The following BPIFB3 variants were observed in gnomAD, a reference collection of about 807,000 sequenced individuals.
The protein encoded by BPIFB3 is BPI fold-containing family B member 3.
BPIFB3 carries 49 observed loss-of-function variants against 53.1 expected under a neutral mutation model. The ratio of observed to expected loss-of-function variants is 0.92; its 90% CI spans 0.73 to 1.17. BPIFB3 has a LOEUF of 1.17. BPIFB3 is among the 50% of genes most tolerant of loss of function. The pLI is 0.00. For missense variants in BPIFB3, 628 were observed against 592.5 expected (o/e 1.06, Z -0.62); for synonymous variants, 271 against 269.6 (o/e 1.01, Z -0.05).
At position 33,063,607 on chromosome 20, in the gene BPIFB3, T is replaced by C; in HGVS notation, c.592-8T>C. 6.2e-7 allele frequency: 1 copy of C among 1,613,938 alleles called. No homozygotes were observed. Among genetic ancestry groups the C allele is most frequent in the Non-Finnish European group, 8.5e-7 (1 of 1,179,882 alleles). ...CTTTGCCCTGTAACATGTGTCTCCC[T>C]GACACAGCTGTGCCCCGTGGTGGAC... On this transcript the variant is annotated splice_polypyrimidine_tract_variant and splice_region_variant and intron_variant, in intron 5 of 14. Coordinates refer to ENST00000375494, the Ensembl canonical transcript of BPIFB3.
Position 33,072,700 on chromosome 20 carries a change from C to T in BPIFB3, c.1325-17C>T, listed in dbSNP as rs764813442. 4.3e-5 allele frequency: 69 copies of T among 1,607,448 alleles called. No individual in the cohort carries two copies. The highest frequency in any genetic ancestry group is 3.3e-4 in the Middle Eastern group (2 of 6,050). ...CCCACCAATGTACCTTTGTTTTCAA[C>T]GATTCTCTTTTCACAGTGGCCCTGG... is the stretch of plus-strand genomic sequence containing the variant. On this transcript the variant is annotated splice_polypyrimidine_tract_variant and intron_variant, in intron 13 of 14. Transcript: ENST00000375494.
At chr20:33,059,769 G>T in intron 3 of BPIFB3, 122 bp from the exon 5 acceptor site, 1 of 1,381,986 alleles carries the variant, frequency 7.2e-7, no homozygotes, top group Non-Finnish European at 9.8e-7. Flanking sequence ...GCAAAATGGG[G>T]CAGGGAGGCA....
At chr20:33,059,834 C>T (rs540588866) in intron 3 of BPIFB3, 57 bp from the exon 5 acceptor site, 261 of 1,584,252 alleles carry the variant, frequency 1.6e-4, no homozygotes, top group Admixed American at 1.5e-3. Context: ...CCCTGGTGGG[C>T]GGGGCCAAGG....
intron 5 of BPIFB3, 54 bp from the exon 7 acceptor site, chr20:33,063,561 C>T (rs1482577339): frequency 6.3e-7 from 1 of 1,582,240 alleles, no homozygotes; most frequent in Non-Finnish European, 8.7e-7. Context: ...GAACATGCAG[C>T]TGTCCTCGCA....
rs539917949 is a variant in BPIFB3 at position 33,064,315 on chromosome 20, A to G, written c.653-142A>G. 1.3e-5 allele frequency: 9 copies of G among 698,952 alleles called. No individual in the cohort carries two copies. In the South Asian group the frequency reaches 1.5e-4, roughly 11 times the overall value. 43.3% of individuals were successfully genotyped at this position (698,952 alleles called of 1,614,324 possible). ...TCTAAGCCTCAATTTCCACATCTGT[A>G]AAATGGGGATGACAGTAGCAGCCAA... On this transcript the variant is annotated intron_variant, in intron 6 of 14. Transcript: ENST00000375494.
chr20:33,069,906 C>A (rs754935827), exon 11 of BPIFB3: 1 of 1,614,092 alleles, frequency 6.2e-7, no homozygotes, highest in African/African-American at 1.3e-5. Flanking sequence ...TGTGCGTGCC[C>A]AGCTGGCTCC....
chr20:33,055,503 CGGTG>C lies in BPIFB3; in HGVS notation c.83_86del (p.Val28AlafsTer35), dbSNP rs1980157588. On this transcript the variant is annotated frameshift_variant, in exon 1 of 15. Transcript: ENST00000375494. LOFTEE classifies it high-confidence loss of function. The stretch of plus-strand genomic sequence containing the variant: ...ACTCCATGCCAGGAGCTGCTAGAGA[CGGTG>C]GGCACGCTCGCTCGGATTGACAAGG... 6.2e-7 allele frequency: 1 copy of C among 1,613,576 alleles called. No homozygotes were observed. Among genetic ancestry groups the C allele is most frequent in the Admixed American group, 1.7e-5 (1 of 59,998 alleles).
At chr20:33,069,099 A>G in intron 10 of BPIFB3, 126 bp downstream of exon 11, 2 of 1,071,142 alleles carry the variant, frequency 1.9e-6, no homozygotes, top group Non-Finnish European at 2.6e-6. Flanking sequence ...CCAGCACAGG[A>G]AGCCCCCCGC....
At position 33,068,790 on chromosome 20, in the gene BPIFB3, T is replaced by G; in HGVS notation, c.979-13T>G. 1.2e-6 allele frequency: 2 copies of G among 1,611,550 alleles called. No homozygotes were observed. Among genetic ancestry groups the G allele is most frequent in the Non-Finnish European group, 1.7e-6 (2 of 1,178,560 alleles). On this transcript the variant is annotated splice_polypyrimidine_tract_variant and intron_variant, in intron 9 of 14. Coordinates refer to ENST00000375494, the Ensembl canonical transcript of BPIFB3. ...TCCTGGGGCATCTAAGTTATGCCCC[T>G]GCATTTCTCCAGGCCCTGGGGAAGC...
At chr20:33,065,358 A>G (rs1222475536) in intron 8 of BPIFB3, among the ~76,000 whole-genome samples, 1 of 151,972 alleles carries the variant, frequency 6.6e-6, no homozygotes, top group Non-Finnish European at 1.5e-5. Context: ...AAAAAATACA[A>G]ATATTAGCCA....
exon 7 of BPIFB3, chr20:33,064,486 G>C (rs4911290): frequency 7.4e-6 from 12 of 1,613,652 alleles, no homozygotes; most frequent in East Asian, 6.7e-5. Flanking sequence ...TCTTGGGTCC[G>C]TGGAATTCTC....
rs1029417254 is a variant in BPIFB3, at chr20:33,060,161, C to T, written c.527+130C>T. The T allele has an allele frequency of 1.6e-5, 20 of 1,286,322 alleles. No homozygotes were observed. In the African/African-American group the frequency reaches 2.1e-4, roughly 13 times the overall value. The allele number at this position is 1,286,322 out of a possible 1,614,324, so 79.7% of individuals were successfully genotyped here. On this transcript the variant is annotated intron_variant, in intron 4 of 14. Coordinates refer to ENST00000375494, the Ensembl canonical transcript of BPIFB3. ...GAACTCGTCCTACCCCTGCTTGTCC[C>T]GCCGGTTTCAACCCACTTCACAGAC...
At chr20:33,063,735 A>C in intron 6 of BPIFB3, 60 bp downstream of exon 7, 6 of 1,533,962 alleles carry the variant, frequency 3.9e-6, no homozygotes, top group Non-Finnish European at 5.4e-6. Flanking sequence ...TATGACCCCA[A>C]TGGGGTAGGG....
chr20:33,073,623 C>A, exon 15 of BPIFB3: 1 of 1,613,826 alleles, frequency 6.2e-7, no homozygotes, highest in Non-Finnish European at 8.5e-7. Flanking sequence ...ACATGGCCAC[C>A]AGCCTTCCCT....
rs747761100 is a variant in BPIFB3, at chr20:33,063,600, G to A, written c.592-15G>A. On this transcript the variant is annotated splice_polypyrimidine_tract_variant and intron_variant, in intron 5 of 14. Coordinates refer to ENST00000375494, the Ensembl canonical transcript of BPIFB3. The stretch of plus-strand genomic sequence containing the variant: ...AGCTCTTCTTTGCCCTGTAACATGT[G>A]TCTCCCTGACACAGCTGTGCCCCGT... The A allele has an allele frequency of 4.3e-6, 7 of 1,613,690 alleles. No homozygotes were observed. The highest frequency in any genetic ancestry group is 2.7e-5 in the African/African-American group (2 of 74,902).
chr20:33,064,679 G>A, exon 8 of BPIFB3: 1 of 1,613,980 alleles, frequency 6.2e-7, no homozygotes, highest in Non-Finnish European at 8.5e-7. Flanking sequence ...ATCGTGAAGA[G>A]TGTAGCTGGT....
At chr20:33,068,045 T>C (rs1194083210) in intron 9 of BPIFB3, among the ~76,000 whole-genome samples, 1 of 152,202 alleles carries the variant, frequency 6.6e-6, no homozygotes, top group Non-Finnish European at 1.5e-5. Flanking sequence ...GTGTGCCTCA[T>C]TTAGGCAGTC....
intron 11 of BPIFB3, 27 bp from the exon 13 acceptor site, chr20:33,071,226 C>T: frequency 2.6e-6 from 4 of 1,552,752 alleles, no homozygotes; most frequent in Non-Finnish European, 3.5e-6. Flanking sequence ...GTAGCGGGGG[C>T]CCCAGCATCT....
chr20:33,064,957 A>C, intron 8 of BPIFB3, 112 bp downstream of exon 9: 2 of 1,202,054 alleles, frequency 1.7e-6, no homozygotes, highest in South Asian at 1.5e-5. Flanking sequence ...CCTCTCTATA[A>C]TAAAAGGGAG....
Sources: allele counts gnomAD v4.1 joint callset (sites outside exome capture counted in the v4.1 genomes callset), GRCh38; gene constraint gnomAD v4.1.1; transcripts MANE v1.5; gene names NCBI Gene and HGNC (gene_info 2026-07-23, HGNC 2026-07-21).